STRADA: variants seen among roughly 807,000 people sequenced by gnomAD.
STRADA encodes the protein STE20-related kinase adapter protein alpha.
STRADA carries 26 observed loss-of-function variants against 55.0 expected under a neutral mutation model. That is an observed-to-expected ratio of 0.47 (90% CI 0.35 to 0.66). The LOEUF (loss-of-function observed/expected upper bound fraction) is 0.66, where lower values mean the gene tolerates loss of function less well. Ranked by LOEUF, STRADA falls within the 30% of genes least tolerant of loss-of-function variation. STRADA has a pLI of 0.01. For synonymous variants in STRADA, 197 were observed against 210.9 expected, an observed-to-expected ratio of 0.93 and a Z score of 0.57; for missense variants, 443 against 549.7, an observed-to-expected ratio of 0.81 and a Z score of 1.94.
chr17:63,730,419 G>A (rs1357212155), intron 1 of STRADA, among the ~76,000 whole-genome samples: 5 of 148,890 alleles, frequency 3.4e-5, no homozygotes, highest in Admixed American at 1.3e-4. Flanking sequence ...TTTTTGAGGC[G>A]GGGTCTGGCT....
chr17:63,710,815 G>A lies in STRADA; in HGVS notation c.370C>T (p.Leu124Phe). 1 of 1,614,206 alleles carries A rather than the reference G, an allele frequency of 6.2e-7. No individual in the cohort carries two copies. The highest frequency in any genetic ancestry group is 8.5e-7 in the Non-Finnish European group (1 of 1,180,034). The part of the protein sequence containing the change: ...FLQGELHVSK[L>F]FNHPNIVPYR... ...GGCACGATATTGGGATGGTTGAAGA[G>A]TTTGGAGACATGCAGCTCGCCCTGG... Residue 124 changes from leucine to phenylalanine, a missense_variant, in exon 7 of 13, where the codon CTC becomes TTC. By Grantham distance (22) the Leu-to-Phe change is conservative (BLOSUM62 0). Coordinates refer to ENST00000336174, the MANE Select transcript of STRADA (RefSeq NM_001003787.4).
At chr17:63,709,796 C>T (rs1409663218) in intron 8 of STRADA, among the ~76,000 whole-genome samples, 3 of 152,156 alleles carry the variant, frequency 2.0e-5, no homozygotes, top group Non-Finnish European at 4.4e-5. Flanking sequence ...AGCTGATTTC[C>T]TGACACTATC....
chr17:63,735,318 G>A (rs551889492), intron 1 of STRADA, among the ~76,000 whole-genome samples: 62 of 152,284 alleles, frequency 4.1e-4, no homozygotes, highest in African/African-American at 1.5e-3. Flanking sequence ...CACATACTCT[G>A]AAATAAGACG....
At chr17:63,707,064 C>A (rs1271882925) in intron 9 of STRADA, among the ~76,000 whole-genome samples, 183 bp downstream of exon 9, 3 of 152,178 alleles carry the variant, frequency 2.0e-5, no homozygotes, top group Non-Finnish European at 2.9e-5. Context: ...GAGGTTAGGA[C>A]CCCCTGGGAG....
chr17:63,713,274 C>T, intron 6 of STRADA, 132 bp downstream of exon 6: 1 of 1,254,910 alleles, frequency 8.0e-7, no homozygotes, highest in Non-Finnish European at 1.1e-6. Flanking sequence ...GCCAAATGGC[C>T]AGGATTCTCC....
At position 63,703,312 on chromosome 17, in the gene STRADA, C is replaced by T; in HGVS notation, c.*287G>A. 1 of 318,494 alleles carries T rather than the reference C, an allele frequency of 3.1e-6. No individual in the cohort carries two copies. The highest frequency in any genetic ancestry group is 5.8e-6 in the Non-Finnish European group (1 of 171,412). The allele number at this position is 318,494 out of a possible 1,614,324, so 19.7% of individuals were successfully genotyped here. Reference sequence around the variant, plus strand: ...AATTCAGCTCCCAGGGCCAGAGCAGCATCTCTCTTCTGCGGAGGAGGTCAC... The same window carrying T: ...AATTCAGCTCCCAGGGCCAGAGCAGTATCTCTCTTCTGCGGAGGAGGTCAC... On this transcript the variant is annotated 3_prime_UTR_variant, in exon 13 of 13. Coordinates refer to ENST00000336174, the MANE Select transcript of STRADA (RefSeq NM_001003787.4).
chr17:63,710,911 T>C (rs535121018), intron 6 of STRADA, 75 bp from the exon 7 acceptor site: 19 of 1,362,504 alleles, frequency 1.4e-5, no homozygotes, highest in Middle Eastern at 1.8e-4. Context: ...GATGGCAGCA[T>C]GGACAATAGG....
intron 1 of STRADA, among the ~76,000 whole-genome samples, chr17:63,738,319 C>T (rs1256537866): frequency 2.9e-4 from 36 of 126,000 alleles, no homozygotes; most frequent in African/African-American, 9.1e-4. Context: ...CCAGCCTGGG[C>T]GACAGAGCGA....
At chr17:63,724,935 T>G (rs1051112735) in intron 3 of STRADA, among the ~76,000 whole-genome samples, 3 of 152,156 alleles carry the variant, frequency 2.0e-5, no homozygotes, top group Admixed American at 2.0e-4. Context: ...AGAAATTCTT[T>G]GAGATGTGTT....
chr17:63,706,619 T>G lies in STRADA; in HGVS notation c.858+16A>C. ...GGCAAGCAGGCAAGAAGGAAACCGA[T>G]GGGCGGCAGGCTTACCTGGGTGGCA... On this transcript the variant is annotated intron_variant, in intron 10 of 12. Coordinates refer to ENST00000336174, the MANE Select transcript of STRADA (RefSeq NM_001003787.4). 6.2e-7 allele frequency: 1 copy of G among 1,602,710 alleles called. No individual in the cohort carries two copies.
chr17:63,735,873 G>A (rs1352775372), intron 1 of STRADA, among the ~76,000 whole-genome samples: 1 of 152,190 alleles, frequency 6.6e-6, no homozygotes, highest in Non-Finnish European at 1.5e-5. Context: ...ACAAGCCCCT[G>A]GCGTAACTGC....
intron 8 of STRADA, among the ~76,000 whole-genome samples, chr17:63,709,242 G>A (rs1343202401): frequency 1.3e-5 from 2 of 152,190 alleles, no homozygotes; most frequent in Non-Finnish European, 2.9e-5. Flanking sequence ...ACCTGGACAG[G>A]AGGCTCCCCG....
At chr17:63,735,044 A>G (rs1385608480) in intron 1 of STRADA, among the ~76,000 whole-genome samples, 2 of 152,050 alleles carry the variant, frequency 1.3e-5, no homozygotes, top group African/African-American at 4.8e-5. Flanking sequence ...AAGCTCAGCT[A>G]TTTGTGAAGC....
At chr17:63,704,841 A>G (rs1347985378) in intron 10 of STRADA, 1 of 1,535,858 alleles carries the variant, frequency 6.5e-7, no homozygotes, top group Non-Finnish European at 8.7e-7. Context: ...ATGGCTGGAA[A>G]GCAGGGCTCA....
intron 1 of STRADA, among the ~76,000 whole-genome samples, chr17:63,739,599 A>G (rs1216191704): frequency 6.6e-6 from 1 of 151,848 alleles, no homozygotes; most frequent in African/African-American, 2.4e-5. Context: ...ATCATTCGAA[A>G]GATATATCCA....
chr17:63,720,443 T>C (rs2037218023), intron 4 of STRADA, among the ~76,000 whole-genome samples: 1 of 151,608 alleles, frequency 6.6e-6, no homozygotes, highest in Non-Finnish European at 1.5e-5. Flanking sequence ...AAGTGCTGGG[T>C]TTACAGGTGT....
intron 1 of STRADA, among the ~76,000 whole-genome samples, chr17:63,737,709 T>G (rs940627729): frequency 6.6e-6 from 1 of 152,178 alleles, no homozygotes; most frequent in Non-Finnish European, 1.5e-5. Flanking sequence ...GATTCAACTA[T>G]CAAAAGTTTG....
intron 1 of STRADA, among the ~76,000 whole-genome samples, chr17:63,733,009 T>A (rs1454755784): frequency 6.6e-6 from 1 of 152,136 alleles, no homozygotes; most frequent in Non-Finnish European, 1.5e-5. Flanking sequence ...TGCCTCGGCC[T>A]CCCAAGTAGC....
intron 1 of STRADA, among the ~76,000 whole-genome samples, chr17:63,738,357 A>G (rs962018683): frequency 1.4e-5 from 2 of 148,144 alleles, no homozygotes; most frequent in African/African-American, 5.0e-5. Flanking sequence ...AAAAAAAAAA[A>G]GAGAAAAGAA....
Sources: allele counts gnomAD v4.1 joint callset (sites outside exome capture counted in the v4.1 genomes callset), GRCh38; gene constraint gnomAD v4.1.1; transcripts MANE v1.5; gene names NCBI Gene and HGNC (gene_info 2026-07-23, HGNC 2026-07-21).